The following GLDC variants were observed in gnomAD, a reference collection of about 807,000 sequenced individuals.
The protein encoded by GLDC is glycine decarboxylase.
In GLDC, 104 loss-of-function variants were observed where a neutral mutation model predicts 121.3. The ratio of observed to expected loss-of-function variants is 0.86; its 90% CI spans 0.73 to 1.01. GLDC has a LOEUF of 1.01. GLDC is among the 50% of genes least tolerant of loss of function. The pLI, the probability that GLDC is intolerant of heterozygous loss-of-function variation, is 0.00. For synonymous variants in GLDC, 546 were observed against 480.6 expected (o/e 1.14, Z -1.78); for missense variants, 1,429 against 1,306.6 (o/e 1.09, Z -1.44).
In GLDC at chr9:6,553,319, C is replaced by G. The variant is rs200347920; in HGVS notation, c.2457+49G>C. On this transcript the variant is annotated intron_variant, in intron 20 of 24. Transcript: ENST00000321612. ...CTGCAGTATCCGGTCCCCATGCATG[C>G]CTGACGCCCCCACCCACCTGCACAC... The G allele has an allele frequency of 2.5e-6, 4 of 1,577,500 alleles. No individual in the cohort carries two copies. In the African/African-American group the frequency reaches 4.0e-5, roughly 16 times the overall value.
chr9:6,570,199 T>C (rs899920623), intron 15 of GLDC, among the ~76,000 whole-genome samples: 1 of 152,192 alleles, frequency 6.6e-6, no homozygotes, highest in Non-Finnish European at 1.5e-5. Flanking sequence ...CTGAATCACA[T>C]TGTAATTATA....
chr9:6,577,536 A>G (rs544564632), intron 15 of GLDC, among the ~76,000 whole-genome samples: 1 of 152,334 alleles, frequency 6.6e-6, no homozygotes, highest in South Asian at 2.1e-4. Context: ...CCACCATAAA[A>G]ATATCTTTTT....
intron 21 of GLDC, among the ~76,000 whole-genome samples, chr9:6,547,418 C>G (rs954703458): frequency 6.6e-6 from 1 of 152,118 alleles, no homozygotes; most frequent in African/African-American, 2.4e-5. Flanking sequence ...GTCATTTTCA[C>G]CTATCAAATT....
chr9:6,612,259 ACACT>A (rs1338943244), intron 3 of GLDC, among the ~76,000 whole-genome samples: 1 of 151,630 alleles, frequency 6.6e-6, no homozygotes, highest in Non-Finnish European at 1.5e-5. Context: ...TCTCTCACAC[ACACT>A]CACACACATA....
intron 20 of GLDC, among the ~76,000 whole-genome samples, chr9:6,552,144 C>T (rs1418796138): frequency 6.6e-6 from 1 of 152,148 alleles, no homozygotes; most frequent in Admixed American, 6.5e-5. Flanking sequence ...GGGAGAGAAG[C>T]AGCTAAAGCT....
chr9:6,550,025 C>T (rs754797526), intron 21 of GLDC, among the ~76,000 whole-genome samples: 7 of 152,140 alleles, frequency 4.6e-5, no homozygotes, highest in Non-Finnish European at 7.4e-5. Flanking sequence ...CACTCCAGAC[C>T]AGAGAGCTTT....
intron 22 of GLDC, among the ~76,000 whole-genome samples, chr9:6,539,239 AG>A (rs1465712074): frequency 1.3e-5 from 2 of 152,068 alleles, no homozygotes; most frequent in Non-Finnish European, 2.9e-5. Context: ...GCACTTTCGG[AG>A]GCCGAGGTGG....
chr9:6,627,579 T>A (rs1490098189), intron 2 of GLDC, among the ~76,000 whole-genome samples: 1 of 152,136 alleles, frequency 6.6e-6, no homozygotes, highest in Non-Finnish European at 1.5e-5. Flanking sequence ...GTTAATAGAA[T>A]GAGCTGTCCC....
At chr9:6,593,111 T>G in intron 9 of GLDC, 121 bp from the exon 10 acceptor site, 1 of 1,004,292 alleles carries the variant, frequency 1.0e-6, no homozygotes. Context: ...GGGGAGTGCT[T>G]TGGTGATTGC....
In GLDC at chr9:6,604,696, G is replaced by C. The variant is rs757165297; in HGVS notation, c.950C>G (p.Ser317Cys). 6 of 1,614,148 alleles carry C rather than the reference G, an allele frequency of 3.7e-6. No homozygotes were observed. Among genetic ancestry groups the C allele is most frequent in the Admixed American group, 1.7e-5 (1 of 60,022 alleles). The change falls in exon 7 of 25, where the codon TCC becomes TGC. Residue 317 changes from serine to cysteine, a missense_variant. Transcript: ENST00000321612. ...EFGVDIALGS[S>C]QRFGVPLGYG... ...GCCCAGTGGCACTCCAAATCTCTGGGAGCTGCCCAGGGCGATGTCTACCCC... is the reference window on the plus strand; with the variant it reads ...GCCCAGTGGCACTCCAAATCTCTGGCAGCTGCCCAGGGCGATGTCTACCCC...
intron 21 of GLDC, chr9:6,542,218 G>A (rs934999277): frequency 1.3e-5 from 2 of 152,368 alleles, no homozygotes; most frequent in African/African-American, 4.8e-5. Flanking sequence ...CCAGCCTGGT[G>A]ACAGAGCAAG....
At chr9:6,612,050 C>G (rs577125081) in intron 3 of GLDC, among the ~76,000 whole-genome samples, 29 of 152,112 alleles carry the variant, frequency 1.9e-4, no homozygotes, top group African/African-American at 7.0e-4. Flanking sequence ...ATTTCCCTTT[C>G]TATTTGCCTA....
At chr9:6,563,205 G>C (rs1313013383) in intron 16 of GLDC, among the ~76,000 whole-genome samples, 2 of 152,218 alleles carry the variant, frequency 1.3e-5, no homozygotes, top group African/African-American at 4.8e-5. Flanking sequence ...CTTTCTCCTT[G>C]GCCTTTCCAG....
At chr9:6,543,392 G>A (rs979658821) in intron 21 of GLDC, among the ~76,000 whole-genome samples, 3 of 152,136 alleles carry the variant, frequency 2.0e-5, no homozygotes, top group African/African-American at 7.2e-5. Flanking sequence ...CACAGTGGGG[G>A]AGGAGGCACT....
intron 15 of GLDC, among the ~76,000 whole-genome samples, chr9:6,572,300 G>A (rs1055876992): frequency 6.6e-6 from 1 of 152,222 alleles, no homozygotes; most frequent in African/African-American, 2.4e-5. Context: ...ATGCAATTCA[G>A]AAAATGATGC....
chr9:6,548,061 C>A (rs750389657), intron 21 of GLDC, among the ~76,000 whole-genome samples: 2 of 152,058 alleles, frequency 1.3e-5, no homozygotes, highest in African/African-American at 4.8e-5. Flanking sequence ...ATGACTTGAG[C>A]CCAGGAGCTG....
chr9:6,534,680 C>G (rs746167787), intron 24 of GLDC, 28 bp downstream of exon 24: 3 of 1,273,764 alleles, frequency 2.4e-6, no homozygotes, highest in African/African-American at 1.5e-5. Flanking sequence ...GCCTTCCCAG[C>G]TGGCACATTC....
intron 8 of GLDC, among the ~76,000 whole-genome samples, chr9:6,600,274 C>T (rs145075606): frequency 2.6e-5 from 4 of 151,454 alleles, no homozygotes; most frequent in African/African-American, 4.8e-5. Flanking sequence ...AGGCTGAGAC[C>T]GGAGAATAAT....
intron 2 of GLDC, among the ~76,000 whole-genome samples, chr9:6,629,901 T>C (rs1198647510): frequency 1.5e-5 from 2 of 130,918 alleles, no homozygotes; most frequent in Admixed American, 1.6e-4. Context: ...TACAAGATAA[T>C]AGATGTGGGA....
Sources: allele counts gnomAD v4.1 joint callset (sites outside exome capture counted in the v4.1 genomes callset), GRCh38; gene constraint gnomAD v4.1.1; transcripts MANE v1.5; gene names NCBI Gene and HGNC (gene_info 2026-07-23, HGNC 2026-07-21).